LYRM4: variants seen among roughly 807,000 people sequenced by gnomAD.
The protein encoded by LYRM4 is LYR motif-containing protein 4.
Under a neutral mutation model 11.7 loss-of-function variants are expected in LYRM4, and 9 were observed. The observed-to-expected ratio is 0.77, with a 90% CI of 0.46 to 1.34. The LOEUF is 1.34. Among genes scored for constraint, LYRM4 ranks in the 40% most tolerant of loss-of-function variants. The probability of loss-of-function intolerance (pLI) is 0.00; values close to 1 mark genes in which losing one functional copy is unlikely to be tolerated. For missense variants in LYRM4, 133 were observed against 112.5 expected (o/e 1.18, Z -0.82); for synonymous variants, 42 against 40.4 (o/e 1.04, Z -0.15).
At chr6:5,066,950 C>T in the LYRM4 span, 1 of 1,079,890 alleles carries the variant, frequency 9.3e-7, no homozygotes, top group Non-Finnish European at 1.3e-6. Flanking sequence ...AGAGCCTCAG[C>T]CGAGGAGGAA....
intron 1 of LYRM4, among the ~76,000 whole-genome samples, chr6:5,234,387 C>A (rs1238896284): frequency 3.3e-5 from 5 of 152,332 alleles, no homozygotes; most frequent in South Asian, 4.1e-4. Flanking sequence ...GCGCCAGGTG[C>A]CCTTAGGCTA....
chr6:5,128,886 C>T (rs901885016), intron 2 of LYRM4, among the ~76,000 whole-genome samples: 1 of 152,234 alleles, frequency 6.6e-6, no homozygotes, highest in African/African-American at 2.4e-5. Context: ...AGAGAAGGGC[C>T]TGGGGCTTCT....
chr6:5,147,676 A>G (rs4959330), intron 2 of LYRM4, among the ~76,000 whole-genome samples: 30,203 of 152,076 alleles, frequency 0.2, 3,629 homozygotes, highest in African/African-American at 0.33. Flanking sequence ...TAAAATTCAC[A>G]TTCAGAAAAT....
intron 2 of LYRM4, among the ~76,000 whole-genome samples, chr6:5,215,000 G>A (rs1459189943): frequency 6.6e-6 from 1 of 152,176 alleles, no homozygotes; most frequent in African/African-American, 2.4e-5. Context: ...TGTCCTGGGA[G>A]GGGAACTCAC....
At chr6:5,092,916 T>A in the LYRM4 span, among the ~76,000 whole-genome samples, 1 of 152,316 alleles carries the variant, frequency 6.6e-6, no homozygotes, top group East Asian at 1.9e-4. Flanking sequence ...GAACCTAAGA[T>A]TAGTAAGTTT....
intron 2 of LYRM4, among the ~76,000 whole-genome samples, chr6:5,116,864 C>T (rs894612170): frequency 3.9e-5 from 6 of 152,282 alleles, no homozygotes; most frequent in Admixed American, 6.5e-5. Flanking sequence ...TCAGAAAATA[C>T]AATTGGGCAC....
chr6:5,119,667 G>GTAATCCCA (rs1763319061), intron 2 of LYRM4, among the ~76,000 whole-genome samples: 1 of 151,776 alleles, frequency 6.6e-6, no homozygotes, highest in African/African-American at 2.4e-5. Context: ...GCCCATGCCT[G>GTAATCCCA]TAATCCCAGC....
the LYRM4 span, among the ~76,000 whole-genome samples, chr6:5,049,572 C>T: frequency 1.3e-5 from 2 of 152,152 alleles, no homozygotes; most frequent in African/African-American, 2.4e-5. Flanking sequence ...CCTCAGTTTC[C>T]TCATCTGTAA....
Position 5,149,443 on chromosome 6 carries a change from T to C in LYRM4, c.208-39952A>G, listed in dbSNP as rs548440892. Reference sequence around the variant, plus strand: ...TGAGGCTAGGGAGATTTTCAGTGGTTAACCAAGGTCAGATAGCATGTCGTA... The same window carrying C: ...TGAGGCTAGGGAGATTTTCAGTGGTCAACCAAGGTCAGATAGCATGTCGTA... On this transcript the variant is annotated intron_variant, in intron 2 of 2. Transcript: ENST00000330636. 6.6e-5 allele frequency among the ~76,000 whole-genome samples: 10 copies of C among 152,340 alleles called. No individual in the cohort carries two copies. In the East Asian group the frequency reaches 1.3e-3, roughly 21 times the overall value.
chr6:5,254,263 T>G (rs763651343), intron 1 of LYRM4, among the ~76,000 whole-genome samples: 9 of 152,314 alleles, frequency 5.9e-5, no homozygotes, highest in Admixed American at 1.3e-4. Flanking sequence ...TCATCTGACT[T>G]CTCGCTAACC....
the LYRM4 span, among the ~76,000 whole-genome samples, chr6:5,055,657 A>G: frequency 6.6e-6 from 1 of 152,150 alleles, no homozygotes; most frequent in Non-Finnish European, 1.5e-5. The surrounding 1 kb of genome is among the most constrained non-coding windows in gnomAD (Gnocchi z 4.5). Context: ...CAGACTGAAT[A>G]TACCTTCACT....
chr6:5,072,380 T>C, the LYRM4 span, among the ~76,000 whole-genome samples: 1 of 152,314 alleles, frequency 6.6e-6, no homozygotes, highest in South Asian at 2.1e-4. Context: ...TTTCTGCTTC[T>C]AGGTCTCTGA....
At chr6:5,183,051 C>A (rs1760169419) in intron 2 of LYRM4, among the ~76,000 whole-genome samples, 1 of 152,152 alleles carries the variant, frequency 6.6e-6, no homozygotes, top group Non-Finnish European at 1.5e-5. Flanking sequence ...ATTACTAAAG[C>A]TTTTTCTTCC....
chr6:5,151,071 T>C (rs1758058571), intron 2 of LYRM4, among the ~76,000 whole-genome samples: 2 of 144,354 alleles, frequency 1.4e-5, no homozygotes, highest in African/African-American at 2.6e-5. Context: ...AAAATGCCTT[T>C]TGTTTGTTTT....
Position 5,109,457 on chromosome 6 carries a change from A to G in LYRM4, c.242T>C (p.Leu81Pro), listed in dbSNP as rs1256325251. Residue 81 changes from leucine to proline, a missense_variant, in exon 3 of 3, where the codon CTG (leucine) becomes CCG (proline). Physicochemically the swap from Leu to Pro is moderately conservative, Grantham distance 98 (BLOSUM62 -3). Transcript: ENST00000330636. The part of the protein sequence containing the change: ...HIGQLYSTDK[L>P]IIENRDMPRT ...GGGCATGTCTCGATTCTCAATGATC[A>G]GCTTGTCAGTTGAATACAGTTGGCC... 4 of 1,614,128 alleles carry G rather than the reference A, an allele frequency of 2.5e-6. No homozygotes were observed. The highest frequency in any genetic ancestry group is 3.4e-6 in the Non-Finnish European group (4 of 1,179,970).
chr6:5,032,088 A>C, the LYRM4 span: 1 of 152,232 alleles, frequency 6.6e-6, no homozygotes, highest in East Asian at 1.9e-4. Context: ...TAAAAATGCT[A>C]GTATTTATAA....
chr6:5,106,055 A>G (rs73717650), downstream of LYRM4: 15,985 of 151,972 alleles, frequency 0.11, 937 homozygotes, highest in South Asian at 0.23. Flanking sequence ...CACACAGCCA[A>G]TCCTCATCAT....
intron 2 of LYRM4, among the ~76,000 whole-genome samples, chr6:5,174,933 G>A (rs1404341724): frequency 1.3e-5 from 2 of 152,192 alleles, no homozygotes; most frequent in African/African-American, 2.4e-5. Flanking sequence ...AGCCAATTCA[G>A]CTTAGACACA....
intron 2 of LYRM4, among the ~76,000 whole-genome samples, chr6:5,213,639 G>T (rs1762100615): frequency 6.6e-6 from 1 of 152,148 alleles, no homozygotes; most frequent in Admixed American, 6.5e-5. Flanking sequence ...ATCCCCATCA[G>T]ATTTCCATAT....
Sources: gnomAD v4.1 joint callset for allele counts (sites outside exome capture counted in the v4.1 genomes callset) on GRCh38, gnomAD v4.1.1 for gene constraint, Gnocchi (gnomAD v3.1) non-coding constraint, MANE v1.5 for transcripts, NCBI Gene and HGNC (gene_info 2026-07-23, HGNC 2026-07-21) for gene names.